ZBTB16: variants seen among roughly 807,000 people sequenced by gnomAD.
ZBTB16 encodes zinc finger and BTB domain-containing protein 16.
ZBTB16 carries 8 observed loss-of-function variants against 56.8 expected under a neutral mutation model. The observed-to-expected ratio is 0.14, with a 90% CI of 0.08 to 0.25. ZBTB16 has a LOEUF of 0.25. Among genes scored for constraint, ZBTB16 ranks in the 10% least tolerant of loss-of-function variants. The pLI is 1.00. For missense variants in ZBTB16, 625 were observed against 903.0 expected (o/e 0.69, Z 3.95); for synonymous variants, 363 against 368.5 (o/e 0.98, Z 0.17).
At chr11:114,111,149 T>C (rs1940989313) in intron 2 of ZBTB16, among the ~76,000 whole-genome samples, 1 of 115,018 alleles carries the variant, frequency 8.7e-6, no homozygotes, top group Non-Finnish European at 1.7e-5. Context: ...CTTAGAGATC[T>C]GTGCTGCGTG....
At chr11:114,217,421 CTCAATCCTAATG>C (rs1944129635) in intron 4 of ZBTB16, among the ~76,000 whole-genome samples, 1 of 152,140 alleles carries the variant, frequency 6.6e-6, no homozygotes, top group Non-Finnish European at 1.5e-5. Flanking sequence ...ATTGGGGTAT[CTCAATCCTAATG>C]TCAGGCAAGA....
At chr11:114,088,830 T>C (rs1039046342) in intron 2 of ZBTB16, among the ~76,000 whole-genome samples, 4 of 152,256 alleles carry the variant, frequency 2.6e-5, no homozygotes, top group Non-Finnish European at 5.9e-5. Context: ...GGGGGAAACC[T>C]TGTCCTAATT....
chr11:114,177,922 C>A (rs1281412240), intron 3 of ZBTB16, among the ~76,000 whole-genome samples: 1 of 152,206 alleles, frequency 6.6e-6, no homozygotes, highest in African/African-American at 2.4e-5. Context: ...ATCCTACTTG[C>A]ATTTTATTTA....
At chr11:114,209,608 G>T in intron 4 of ZBTB16, 4 of 985,412 alleles carry the variant, frequency 4.1e-6, no homozygotes, top group Non-Finnish European at 4.8e-6. Flanking sequence ...TGCCTCCCTG[G>T]GGGGCTCTCC....
chr11:114,124,570 A>AAAAAAAAAAAAAAAAAAAAAAAAAC, intron 2 of ZBTB16, among the ~76,000 whole-genome samples: 1 of 146,640 alleles, frequency 6.8e-6, no homozygotes, highest in Non-Finnish European at 1.5e-5. Flanking sequence ...AAAAAAAAAA[A>AAAAAAAAAAAAAAAAAAAAAAAAAC]AACAAAAACA....
At chr11:114,079,322 GT>G (rs1285342217) in intron 2 of ZBTB16, among the ~76,000 whole-genome samples, 1 of 152,196 alleles carries the variant, frequency 6.6e-6, no homozygotes, top group Non-Finnish European at 1.5e-5. Context: ...TGATTGCGCT[GT>G]AGCCCTGTTA....
chr11:114,161,599 C>T (rs537735777), intron 3 of ZBTB16, among the ~76,000 whole-genome samples: 5 of 152,026 alleles, frequency 3.3e-5, no homozygotes, highest in Admixed American at 6.6e-5. Flanking sequence ...GAGGGGAAGC[C>T]GAAGCCACCT....
intron 4 of ZBTB16, among the ~76,000 whole-genome samples, chr11:114,233,113 ACACACACACACACT>A (rs1229343657): frequency 0.016 from 846 of 52,974 alleles, 23 homozygotes; most frequent in African/African-American, 0.04. Flanking sequence ...ACACACACAC[ACACACACACACACT>A]CTCTCTCTCT....
At position 114,156,734 on chromosome 11, in the gene ZBTB16, G is replaced by A. The variant is rs548324159; in HGVS notation, c.1366+300G>A. 3.3e-5 allele frequency among the ~76,000 whole-genome samples: 5 copies of A among 152,314 alleles called. No individual in the cohort carries two copies. In the East Asian group the frequency reaches 9.6e-4, roughly 29 times the overall value. Reference sequence around the variant, plus strand: ...GCAGTTTCATTAGTGGAACAGTTGTGGAATTAGGTTCTCACTGTCTAATGA... The same window carrying A: ...GCAGTTTCATTAGTGGAACAGTTGTAGAATTAGGTTCTCACTGTCTAATGA... On this transcript the variant is annotated intron_variant, in intron 3 of 6. Transcript: ENST00000335953.
intron 2 of ZBTB16, among the ~76,000 whole-genome samples, chr11:114,152,083 T>C (rs984868369): frequency 2.0e-5 from 3 of 152,170 alleles, no homozygotes; most frequent in African/African-American, 4.8e-5. Context: ...CAGTTTTGAA[T>C]TGGAGGCTGT....
chr11:114,081,872 G>T (rs947602671), intron 2 of ZBTB16, among the ~76,000 whole-genome samples: 5 of 152,136 alleles, frequency 3.3e-5, no homozygotes. Context: ...TAAATGCGTG[G>T]AGAGAGATTA....
chr11:114,077,663 G>A (rs986977626), intron 2 of ZBTB16, among the ~76,000 whole-genome samples: 2 of 152,178 alleles, frequency 1.3e-5, no homozygotes, highest in African/African-American at 4.8e-5. Context: ...CTCATCAGAC[G>A]TGAAGCCGCC....
intron 2 of ZBTB16, among the ~76,000 whole-genome samples, chr11:114,115,777 G>A (rs1336923785): frequency 2.0e-5 from 3 of 152,172 alleles, no homozygotes; most frequent in Admixed American, 6.5e-5. Flanking sequence ...CTGACGGCCC[G>A]CTAATTTGTC....
intron 3 of ZBTB16, among the ~76,000 whole-genome samples, chr11:114,165,581 G>A (rs1374774907): frequency 6.6e-6 from 1 of 152,230 alleles, no homozygotes; most frequent in African/African-American, 2.4e-5. Context: ...GGGCAGATCT[G>A]GGTTTGGTGG....
chr11:114,150,384 C>T (rs1031986199), intron 2 of ZBTB16, among the ~76,000 whole-genome samples: 7 of 152,144 alleles, frequency 4.6e-5, no homozygotes. Flanking sequence ...CCTGTAATTT[C>T]AGCACTTTGG....
At chr11:114,126,548 G>A (rs1312907958) in intron 2 of ZBTB16, among the ~76,000 whole-genome samples, 1 of 152,190 alleles carries the variant, frequency 6.6e-6, no homozygotes, top group East Asian at 1.9e-4. Flanking sequence ...CCATTTTAAG[G>A]AAGCTGAGTA....
At chr11:114,082,856 A>T (rs765748188) in intron 2 of ZBTB16, among the ~76,000 whole-genome samples, 5 of 152,084 alleles carry the variant, frequency 3.3e-5, no homozygotes, top group East Asian at 1.9e-4. Flanking sequence ...CTCTCTTTTA[A>T]TAGAAACCCA....
At chr11:114,066,641 C>G (rs1439678210) in intron 2 of ZBTB16, among the ~76,000 whole-genome samples, 1 of 152,130 alleles carries the variant, frequency 6.6e-6, no homozygotes, top group Non-Finnish European at 1.5e-5. Flanking sequence ...ACCCTCATTC[C>G]TCTGGGGAGA....
intron 3 of ZBTB16, among the ~76,000 whole-genome samples, chr11:114,179,222 C>G (rs1313149098): frequency 6.6e-6 from 1 of 152,114 alleles, no homozygotes; most frequent in African/African-American, 2.4e-5. Context: ...TCCAGAAACT[C>G]TGGTTCTGGA....
Sources: allele counts gnomAD v4.1 joint callset (sites outside exome capture counted in the v4.1 genomes callset), GRCh38; gene constraint gnomAD v4.1.1; transcripts MANE v1.5; gene names NCBI Gene and HGNC (gene_info 2026-07-23, HGNC 2026-07-21).